The following SH3GL3 variants were observed in gnomAD, a reference collection of about 807,000 sequenced individuals.
SH3GL3 encodes endophilin-A3.
SH3GL3 carries 33 observed loss-of-function variants against 47.7 expected under a neutral mutation model. That is an observed-to-expected ratio of 0.69 (90% confidence interval 0.52 to 0.92). SH3GL3 has a LOEUF of 0.92. Ranked by LOEUF, SH3GL3 falls within the 40% of genes least tolerant of loss-of-function variation. The pLI is 0.00. For synonymous variants in SH3GL3, 155 were observed against 148.8 expected (o/e 1.04, Z -0.30); for missense variants, 363 against 417.8 (o/e 0.87, Z 1.14).
At chr15:83,541,312 ATTTTTTTTTTTTTTTTTTTTTTTTTTTTT>A (rs71156085) in intron 1 of SH3GL3, among the ~76,000 whole-genome samples, 1 of 47,340 alleles carries the variant, frequency 2.1e-5, no homozygotes, top group Non-Finnish European at 4.1e-5. Context: ...TGGTAATTCT[ATTTTTTTTTTTTTTTTTTTTTTTTTTTTT>A]TTTTTTTTTT....
At position 83,530,479 on chromosome 15, in the gene SH3GL3, C is replaced by CTGCTAAA. The variant is rs1439592496; in HGVS notation, c.46-28774_46-28773insTGCTAAA. The stretch of plus-strand genomic sequence containing the variant: ...TTTCCTGTCACTTCTCTGCTAAATT[C>CTGCTAAA]CAGTGTTTTCTTTTAGATGTTCTAT... On this transcript the variant is annotated intron_variant, in intron 1 of 8. Transcript: ENST00000427482. Among the ~76,000 whole-genome samples the CTGCTAAA allele has an allele frequency of 2.6e-5, 4 of 152,246 alleles. No individual in the cohort carries two copies. In the East Asian group the frequency reaches 7.7e-4, roughly 29 times the overall value.
At chr15:83,537,474 A>G (rs1386521127) in intron 1 of SH3GL3, among the ~76,000 whole-genome samples, 1 of 152,236 alleles carries the variant, frequency 6.6e-6, no homozygotes, top group East Asian at 1.9e-4. Context: ...TAGATAAGGA[A>G]TTGGAAGCAC....
chr15:83,503,789 T>G (rs1188014887), intron 1 of SH3GL3, among the ~76,000 whole-genome samples: 1 of 152,248 alleles, frequency 6.6e-6, no homozygotes, highest in African/African-American at 2.4e-5. Context: ...ATAAAGTTGC[T>G]GAGTCAGCAC....
At chr15:83,570,327 T>C (rs920965597) in intron 4 of SH3GL3, among the ~76,000 whole-genome samples, 5 of 152,192 alleles carry the variant, frequency 3.3e-5, no homozygotes, top group Admixed American at 3.3e-4. Context: ...AATTTGTTTA[T>C]GGTCTTTCTC....
intron 1 of SH3GL3, among the ~76,000 whole-genome samples, chr15:83,455,108 C>A (rs958686448): frequency 4.3e-5 from 2 of 47,052 alleles, no homozygotes; most frequent in African/African-American, 1.7e-4. Context: ...GTTGAAAATT[C>A]TTTTCTTTAA....
chr15:83,583,485 A>G (rs191223009), intron 6 of SH3GL3, among the ~76,000 whole-genome samples: 3 of 152,312 alleles, frequency 2.0e-5, no homozygotes, highest in Admixed American at 1.3e-4. Context: ...GTTGGCTCAC[A>G]AGGCCAGGCC....
chr15:83,558,503 A>ATGTGTGTGTGTGTG (rs1455550914), intron 1 of SH3GL3, among the ~76,000 whole-genome samples: 1 of 6,252 alleles, frequency 1.6e-4, no homozygotes, highest in Non-Finnish European at 4.8e-4. Context: ...GTGTGTGTGT[A>ATGTGTGTGTGTGTG]TATGTGTGTG....
intron 8 of SH3GL3, among the ~76,000 whole-genome samples, chr15:83,610,246 G>A (rs1216857201): frequency 1.3e-5 from 2 of 152,246 alleles, no homozygotes; most frequent in South Asian, 2.1e-4. Flanking sequence ...CAGAAATGGT[G>A]TGGGAGAAGG....
intron 1 of SH3GL3, among the ~76,000 whole-genome samples, chr15:83,536,014 G>A (rs906280062): frequency 1.3e-5 from 2 of 152,188 alleles, no homozygotes; most frequent in African/African-American, 2.4e-5. Flanking sequence ...CCAAATCGTA[G>A]ACATCCTTTC....
intron 1 of SH3GL3, among the ~76,000 whole-genome samples, chr15:83,548,510 T>G (rs1176298090): frequency 1.3e-5 from 2 of 152,048 alleles, no homozygotes; most frequent in African/African-American, 4.8e-5. Flanking sequence ...ATTCTCTCAA[T>G]GCTTTTGTCT....
chr15:83,605,283 T>C (rs1301144312), intron 8 of SH3GL3, among the ~76,000 whole-genome samples: 1 of 152,192 alleles, frequency 6.6e-6, no homozygotes, highest in African/African-American at 2.4e-5. Flanking sequence ...ACACCCAGCA[T>C]TGGGCTTCCT....
At chr15:83,527,379 A>G (rs1217751466) in intron 1 of SH3GL3, among the ~76,000 whole-genome samples, 2 of 152,114 alleles carry the variant, frequency 1.3e-5, no homozygotes, top group South Asian at 2.1e-4. Context: ...TATTTGCTTT[A>G]TATATCTGGG....
intron 8 of SH3GL3, among the ~76,000 whole-genome samples, chr15:83,606,517 G>A (rs1275242188): frequency 2.0e-5 from 3 of 152,110 alleles, no homozygotes; most frequent in Non-Finnish European, 2.9e-5. Flanking sequence ...GTGATTGTTC[G>A]GTCAGCAGGT....
At chr15:83,468,942 A>G (rs28884786) in intron 1 of SH3GL3, among the ~76,000 whole-genome samples, 43,393 of 151,900 alleles carry the variant, frequency 0.29, 6,864 homozygotes, top group South Asian at 0.52. Context: ...ATTTTCCAGT[A>G]AAACCATCTA....
intron 2 of SH3GL3, among the ~76,000 whole-genome samples, chr15:83,559,776 C>T (rs1008548912): frequency 6.6e-6 from 1 of 152,108 alleles, no homozygotes; most frequent in African/African-American, 2.4e-5. Flanking sequence ...CTGGTTCTGC[C>T]TGTAGAACCA....
At chr15:83,585,928 T>A (rs1045701796) in intron 6 of SH3GL3, among the ~76,000 whole-genome samples, 3 of 152,200 alleles carry the variant, frequency 2.0e-5, no homozygotes, top group Admixed American at 6.5e-5. Context: ...GTAGCTTGGA[T>A]CTTTGAAGGC....
intron 2 of SH3GL3, among the ~76,000 whole-genome samples, chr15:83,559,535 A>C (rs545237295): frequency 6.6e-6 from 1 of 152,210 alleles, no homozygotes; most frequent in South Asian, 2.1e-4. Flanking sequence ...GAGTAATGAG[A>C]TCGATGTGGC....
intron 1 of SH3GL3, among the ~76,000 whole-genome samples, chr15:83,549,751 T>G (rs1279264853): frequency 2.0e-5 from 3 of 152,218 alleles, no homozygotes; most frequent in Non-Finnish European, 4.4e-5. Flanking sequence ...TCCCAGAAAT[T>G]TGGCCTCTTA....
At chr15:83,612,494 T>G (rs1033721561) in intron 8 of SH3GL3, among the ~76,000 whole-genome samples, 4 of 152,194 alleles carry the variant, frequency 2.6e-5, no homozygotes, top group African/African-American at 9.6e-5. Flanking sequence ...GGGAATTTGT[T>G]CACAGTTCAC....
Sources: allele counts gnomAD v4.1 joint callset (sites outside exome capture counted in the v4.1 genomes callset), GRCh38; gene constraint gnomAD v4.1.1; transcripts MANE v1.5; gene names NCBI Gene and HGNC (gene_info 2026-07-23, HGNC 2026-07-21).